Variants in GABRG3 observed in about 807,000 individuals in gnomAD.
The protein encoded by GABRG3 is gamma-aminobutyric acid type A receptor subunit gamma3.
GABRG3 carries 25 observed loss-of-function variants against 48.8 expected under a neutral mutation model. That is an observed-to-expected ratio of 0.51 (90% CI 0.37 to 0.72). GABRG3 has a LOEUF of 0.72. Among genes scored for constraint, GABRG3 ranks in the 30% least tolerant of loss-of-function variants. The pLI, the probability that GABRG3 is intolerant of heterozygous loss-of-function variation, is 0.00. For synonymous variants in GABRG3, 227 were observed against 217.6 expected, an observed-to-expected ratio of 1.04 and a Z score of -0.38; for missense variants, 394 against 577.9, an observed-to-expected ratio of 0.68 and a Z score of 3.26.
chr15:27,316,486 G>A (rs1233134744), intron 3 of GABRG3, among the ~76,000 whole-genome samples: 1 of 152,038 alleles, frequency 6.6e-6, no homozygotes, highest in Non-Finnish European at 1.5e-5. Flanking sequence ...AGAAAATTGG[G>A]AAGTCACGAA....
chr15:27,262,147 C>A (rs1890787573), intron 3 of GABRG3, among the ~76,000 whole-genome samples: 1 of 152,152 alleles, frequency 6.6e-6, no homozygotes, highest in Non-Finnish European at 1.5e-5. Context: ...GGCAGGAGAC[C>A]ATGTGTCCCT....
In GABRG3 at chr15:27,437,137, C is replaced by T. The variant is rs113701846; in HGVS notation, c.575-43513C>T. On this transcript the variant is annotated intron_variant, in intron 5 of 9. Coordinates refer to ENST00000615808, the MANE Select transcript of GABRG3 (RefSeq NM_033223.5). ...GTTATCACCAAGCATCTTTTAAATTCGTCACAGACACACACATGCTAACCT... is the reference window on the plus strand; with the variant it reads ...GTTATCACCAAGCATCTTTTAAATTTGTCACAGACACACACATGCTAACCT... Among the ~76,000 whole-genome samples, 1,071 of 151,068 alleles carry T rather than the reference C, an allele frequency of 7.1e-3. 10 individuals carry two copies. The highest frequency in any genetic ancestry group is 0.025 in the African/African-American group (1,011 of 41,218).
At chr15:27,113,928 C>A (rs1206669472) in intron 3 of GABRG3, among the ~76,000 whole-genome samples, 2 of 152,186 alleles carry the variant, frequency 1.3e-5, no homozygotes, top group Admixed American at 6.5e-5. Flanking sequence ...AGGGAACCAG[C>A]TCATTATTTT....
At chr15:27,231,521 C>T (rs1308938646) in intron 3 of GABRG3, among the ~76,000 whole-genome samples, 2 of 152,142 alleles carry the variant, frequency 1.3e-5, no homozygotes, top group African/African-American at 4.8e-5. Context: ...AGGGAAGTCA[C>T]CTGTCAATTT....
intron 5 of GABRG3, among the ~76,000 whole-genome samples, chr15:27,416,570 C>T (rs1595739956): frequency 2.0e-5 from 3 of 152,150 alleles, no homozygotes; most frequent in African/African-American, 4.8e-5. Flanking sequence ...GGTAGAGCTT[C>T]GGCAGGTAAA....
rs148217160 is a variant in GABRG3 at position 27,453,500 on chromosome 15, G to A, written c.575-27150G>A. ...ATAGAATAGTTGCATGTGTCTTGAA[G>A]TTAAAGCATATTCATTTAATTATCT... On this transcript the variant is annotated intron_variant, in intron 5 of 9. Transcript: ENST00000615808. Among the ~76,000 whole-genome samples the A allele has an allele frequency of 5.2e-3, 794 of 152,264 alleles. 6 individuals carry two copies. The highest frequency in any genetic ancestry group is 0.018 in the African/African-American group (742 of 41,568).
At position 26,976,924 on chromosome 15, in the gene GABRG3, C is replaced by G; in HGVS notation, c.54-78C>G. 1 of 1,492,234 alleles carries G rather than the reference C, an allele frequency of 6.7e-7. No individual in the cohort carries two copies. The highest frequency in any genetic ancestry group is 9.3e-7 in the Non-Finnish European group (1 of 1,079,562). The allele number at this position is 1,492,234 out of a possible 1,614,324, so 92.4% of individuals were successfully genotyped here. A position where few individuals can be genotyped will look rare whatever the true frequency, so the allele number is the denominator to read the frequency against. On this transcript the variant is annotated intron_variant, in intron 1 of 9. Coordinates refer to ENST00000615808, the MANE Select transcript of GABRG3 (RefSeq NM_033223.5). The surrounding 1 kb of genome is among the most constrained non-coding windows in gnomAD (Gnocchi z 7.8). Reference sequence around the variant, plus strand: ...GGGACTTTCTACCCATTTCATGGTACTTGGATAGGACAAACTTAGGCTCTT... The same window carrying G: ...GGGACTTTCTACCCATTTCATGGTAGTTGGATAGGACAAACTTAGGCTCTT...
intron 3 of GABRG3, among the ~76,000 whole-genome samples, chr15:27,228,016 A>C (rs1889678342): frequency 6.6e-6 from 1 of 152,256 alleles, no homozygotes; most frequent in African/African-American, 2.4e-5. Flanking sequence ...GTGAAAACAC[A>C]CTAAATGTAA....
chr15:27,503,043 T>C (rs897733028), intron 6 of GABRG3, among the ~76,000 whole-genome samples: 3 of 152,222 alleles, frequency 2.0e-5, no homozygotes, highest in African/African-American at 7.2e-5. Context: ...GGTGATCAAC[T>C]TAACTTTCAG....
In GABRG3 at chr15:27,097,113, A is replaced by G. The variant is rs533268405; in HGVS notation, c.270+70292A>G. On this transcript the variant is annotated intron_variant, in intron 3 of 9. Transcript: ENST00000615808. ...GTGATCCTCCCGCTTTGGCCTCCCA[A>G]AGTGCTGGGATTACAGGTGTGAGCC... Among the ~76,000 whole-genome samples the G allele has an allele frequency of 4.9e-4, 74 of 151,902 alleles. 2 individuals carry two copies. Among genetic ancestry groups the G allele is most frequent in the Middle Eastern group, 6.8e-3 (2 of 294 alleles).
At chr15:27,322,474 T>G (rs1307569832) in intron 3 of GABRG3, among the ~76,000 whole-genome samples, 1 of 152,126 alleles carries the variant, frequency 6.6e-6, no homozygotes, top group Non-Finnish European at 1.5e-5. Context: ...AGATGGGACA[T>G]AGGAAGAAAC....
intron 3 of GABRG3, among the ~76,000 whole-genome samples, chr15:27,074,817 G>A (rs1273626790): frequency 6.6e-6 from 1 of 152,134 alleles, no homozygotes; most frequent in East Asian, 1.9e-4. Flanking sequence ...GATGGCACAG[G>A]TGGAAAGCGA....
At chr15:27,341,703 C>T (rs981687553) in intron 5 of GABRG3, among the ~76,000 whole-genome samples, 10 of 152,120 alleles carry the variant, frequency 6.6e-5, no homozygotes, top group South Asian at 2.1e-4. Flanking sequence ...CAATATATCA[C>T]GCGCCAGAAA....
At chr15:27,150,680 T>A (rs1898294621) in intron 3 of GABRG3, among the ~76,000 whole-genome samples, 1 of 152,200 alleles carries the variant, frequency 6.6e-6, no homozygotes, top group South Asian at 2.1e-4. Context: ...GAAGGCACTT[T>A]GTGAATTACC....
chr15:27,139,766 A>G (rs1280739351), intron 3 of GABRG3, among the ~76,000 whole-genome samples: 4 of 152,150 alleles, frequency 2.6e-5, no homozygotes, highest in African/African-American at 9.7e-5. Flanking sequence ...GAGCTGACTG[A>G]TGGCTGGCAG....
intron 6 of GABRG3, among the ~76,000 whole-genome samples, chr15:27,519,254 G>A (rs781622739): frequency 3.3e-5 from 5 of 152,100 alleles, no homozygotes; most frequent in Non-Finnish European, 5.9e-5. Flanking sequence ...GGGAGAAAAT[G>A]TACAATGTAT....
chr15:27,029,081 A>G (rs1240601126), intron 3 of GABRG3, among the ~76,000 whole-genome samples: 1 of 152,156 alleles, frequency 6.6e-6, no homozygotes, highest in Non-Finnish European at 1.5e-5. Flanking sequence ...TGTGGAGTAG[A>G]AAGCTATTTT....
At chr15:27,026,489 G>A (rs1372643067) in intron 2 of GABRG3, among the ~76,000 whole-genome samples, 1 of 152,144 alleles carries the variant, frequency 6.6e-6, no homozygotes, top group African/African-American at 2.4e-5. Flanking sequence ...TTCTATGACT[G>A]GCAAATTGCA....
chr15:27,090,814 G>A (rs1235238281), intron 3 of GABRG3, among the ~76,000 whole-genome samples: 2 of 151,816 alleles, frequency 1.3e-5, no homozygotes, highest in Non-Finnish European at 2.9e-5. Context: ...GCTTTTTATT[G>A]CTGGCATATG....
Sources: gnomAD v4.1 joint callset for allele counts (sites outside exome capture counted in the v4.1 genomes callset) on GRCh38, gnomAD v4.1.1 for gene constraint, Gnocchi (gnomAD v3.1) non-coding constraint, MANE v1.5 for transcripts, NCBI Gene and HGNC (gene_info 2026-07-23, HGNC 2026-07-21) for gene names.